CCDC178: variants seen among roughly 807,000 people sequenced by gnomAD.
CCDC178 encodes coiled-coil domain containing 178, also known as coiled-coil domain-containing protein 178.
A neutral mutation model predicts 117.4 loss-of-function variants in CCDC178; 126 were observed. The observed-to-expected ratio is 1.07, with a 90% CI of 0.93 to 1.24. CCDC178 has a LOEUF of 1.24. Among genes scored for constraint, CCDC178 ranks in the 50% most tolerant of loss-of-function variants. The pLI is 0.00. For synonymous variants in CCDC178, 283 were observed against 313.4 expected, an observed-to-expected ratio of 0.90 and a Z score of 1.02; for missense variants, 1,030 against 986.9, an observed-to-expected ratio of 1.04 and a Z score of -0.59.
At chr18:33,333,069 G>GA (rs5823891) in intron 10 of CCDC178, 105 bp downstream of exon 10, 193,403 of 502,676 alleles carry the variant, frequency 0.38, 12,354 homozygotes, top group African/African-American at 0.59. Flanking sequence ...TCAATTTTAA[G>GA]AAAAAAAAAA....
Position 33,245,228 on chromosome 18 carries a change from A to G in CCDC178, c.1593+17T>C, listed in dbSNP as rs1330814352. 2 of 1,541,508 alleles carry G rather than the reference A, an allele frequency of 1.3e-6. No homozygotes were observed. The highest frequency in any genetic ancestry group is 4.2e-5 in the Admixed American group (2 of 47,974). On this transcript the variant is annotated intron_variant, in intron 15 of 22. Coordinates refer to ENST00000383096, the MANE Select transcript of CCDC178 (RefSeq NM_001105528.4). ...CTTTTTTTCATCATGAGTAAGAGGA[A>G]CACAAAGATACACAACCTTGAACTT...
At chr18:33,127,561 G>C (rs945962144) in intron 20 of CCDC178, among the ~76,000 whole-genome samples, 4 of 152,050 alleles carry the variant, frequency 2.6e-5, no homozygotes, top group Admixed American at 6.6e-5. Flanking sequence ...TCAGCCTCCT[G>C]AGTAGCTGGG....
At chr18:33,095,548 G>A (rs956524711) in intron 20 of CCDC178, among the ~76,000 whole-genome samples, 1 of 151,990 alleles carries the variant, frequency 6.6e-6, no homozygotes. Flanking sequence ...CGCCCTAAGA[G>A]ATGTTGCACT....
At chr18:33,178,168 T>G (rs2058686120) in intron 20 of CCDC178, among the ~76,000 whole-genome samples, 1 of 152,088 alleles carries the variant, frequency 6.6e-6, no homozygotes, top group African/African-American at 2.4e-5. Flanking sequence ...ACTAAACTCA[T>G]AATCCCCTCT....
At chr18:33,208,458 A>C (rs2059071076) in intron 20 of CCDC178, among the ~76,000 whole-genome samples, 1 of 152,094 alleles carries the variant, frequency 6.6e-6, no homozygotes, top group Admixed American at 6.6e-5. Flanking sequence ...CATGATATTT[A>C]TAATTTGAGT....
At chr18:33,110,223 T>C (rs1209722988) in intron 20 of CCDC178, among the ~76,000 whole-genome samples, 2 of 151,670 alleles carry the variant, frequency 1.3e-5, no homozygotes, top group Non-Finnish European at 3.0e-5. Context: ...CCAGTCTTTG[T>C]CACTTTTTCT....
At chr18:33,410,449 C>A (rs1281086407) in intron 3 of CCDC178, among the ~76,000 whole-genome samples, 5 of 152,024 alleles carry the variant, frequency 3.3e-5, no homozygotes. Flanking sequence ...AATGAAATAA[C>A]ATTTTTTTTC....
chr18:32,949,981 C>A (rs1348389526), intron 22 of CCDC178, among the ~76,000 whole-genome samples: 3 of 152,150 alleles, frequency 2.0e-5, no homozygotes, highest in African/African-American at 7.2e-5. Flanking sequence ...TGAGGCAAGA[C>A]TTTTCTGAGG....
chr18:33,059,098 G>C (rs2056879341), intron 21 of CCDC178, among the ~76,000 whole-genome samples: 1 of 152,084 alleles, frequency 6.6e-6, no homozygotes, highest in African/African-American at 2.4e-5. Flanking sequence ...GGGGCTAATA[G>C]CTTTGAATTT....
intron 20 of CCDC178, among the ~76,000 whole-genome samples, chr18:33,100,328 T>C (rs1185179984): frequency 6.6e-6 from 1 of 151,878 alleles, no homozygotes; most frequent in South Asian, 2.1e-4. Flanking sequence ...ACATCTTTTG[T>C]TAACCTTGCT....
chr18:32,939,635 C>T (rs557670186), intron 22 of CCDC178, among the ~76,000 whole-genome samples: 10 of 152,176 alleles, frequency 6.6e-5, no homozygotes, highest in Admixed American at 3.3e-4. Context: ...ACAGTAATGA[C>T]GGTGACTGAG....
intron 22 of CCDC178, among the ~76,000 whole-genome samples, chr18:32,952,142 A>G (rs2054499986): frequency 6.6e-6 from 1 of 152,104 alleles, no homozygotes; most frequent in African/African-American, 2.4e-5. Flanking sequence ...GCTGTCGGTG[A>G]ATCTACCATT....
chr18:33,414,308 T>A (rs919087894), intron 2 of CCDC178, among the ~76,000 whole-genome samples: 1 of 152,016 alleles, frequency 6.6e-6, no homozygotes, highest in East Asian at 1.9e-4. Context: ...GAATAAGGAA[T>A]CAGTAAAGCA....
At chr18:33,232,799 T>A (rs1371325008) in intron 15 of CCDC178, among the ~76,000 whole-genome samples, 12 of 152,214 alleles carry the variant, frequency 7.9e-5, no homozygotes, top group Admixed American at 7.9e-4. Context: ...TTTTAGGTCC[T>A]GAATTTAAAG....
chr18:33,302,920 TAGAA>T (rs1377095494), intron 11 of CCDC178, among the ~76,000 whole-genome samples: 2 of 152,138 alleles, frequency 1.3e-5, no homozygotes, highest in Non-Finnish European at 2.9e-5. Context: ...TACAGCTAGA[TAGAA>T]GGAATAAGTT....
At chr18:33,164,974 G>A (rs1259367194) in intron 20 of CCDC178, among the ~76,000 whole-genome samples, 5 of 152,152 alleles carry the variant, frequency 3.3e-5, no homozygotes, top group Admixed American at 2.6e-4. Context: ...GTGGAGTTAT[G>A]CAGGTCTTCC....
chr18:33,362,437 A>T (rs1055789041), intron 6 of CCDC178, among the ~76,000 whole-genome samples: 2 of 151,844 alleles, frequency 1.3e-5, no homozygotes, highest in Non-Finnish European at 2.9e-5. Flanking sequence ...AGGTCAGAGG[A>T]TACAAAGCAG....
intron 11 of CCDC178, among the ~76,000 whole-genome samples, chr18:33,314,298 C>T (rs7242023): frequency 0.27 from 40,312 of 147,462 alleles, 5,698 homozygotes; most frequent in East Asian, 0.51. Flanking sequence ...GCATTCAAAT[C>T]CTTAATTACT....
intron 11 of CCDC178, among the ~76,000 whole-genome samples, chr18:33,311,018 A>G (rs927284308): frequency 3.3e-5 from 5 of 152,206 alleles, no homozygotes; most frequent in Admixed American, 3.3e-4. Flanking sequence ...TCACAACTTT[A>G]GATCTTTATA....
Sources: gnomAD v4.1 joint callset for allele counts (sites outside exome capture counted in the v4.1 genomes callset) on GRCh38, gnomAD v4.1.1 for gene constraint, MANE v1.5 for transcripts, NCBI Gene and HGNC (gene_info 2026-07-23, HGNC 2026-07-21) for gene names.